TMCC1: variants seen among roughly 807,000 people sequenced by gnomAD.
TMCC1 encodes the protein transmembrane and coiled-coil domains protein 1.
Under a neutral mutation model 52.4 loss-of-function variants are expected in TMCC1, and 15 were observed. The ratio of observed to expected loss-of-function variants is 0.29; its 90% CI spans 0.19 to 0.44. The LOEUF is 0.44. Ranked by LOEUF, TMCC1 falls within the 20% of genes least tolerant of loss-of-function variation. The pLI is 1.00. For synonymous variants in TMCC1, 279 were observed against 301.9 expected (o/e 0.92, Z 0.79); for missense variants, 503 against 806.0 (o/e 0.62, Z 4.55).
chr3:129,789,944 A>G (rs1194461171), intron 4 of TMCC1, among the ~76,000 whole-genome samples: 1 of 152,010 alleles, frequency 6.6e-6, no homozygotes, highest in Non-Finnish European at 1.5e-5. Flanking sequence ...CTAGGAAAAG[A>G]TGCCACAAAC....
intron 4 of TMCC1, among the ~76,000 whole-genome samples, chr3:129,771,774 C>CAAAAAA (rs755523077): frequency 5.6e-4 from 42 of 75,644 alleles, no homozygotes; most frequent in African/African-American, 1.5e-3. Context: ...GACACTGTCT[C>CAAAAAA]AAAAAAAAAA....
Position 129,650,477 on chromosome 3 carries a change from C to A in TMCC1, c.*1004G>T, listed in dbSNP as rs1279317627. The A allele has an allele frequency of 1.3e-5, 2 of 152,518 alleles. No homozygotes were observed. Among genetic ancestry groups the A allele is most frequent in the East Asian group, 3.9e-4 (2 of 5,186 alleles). 9.4% of individuals were successfully genotyped at this position (152,518 alleles called of 1,614,324 possible). On this transcript the variant is annotated 3_prime_UTR_variant, in exon 7 of 7. Coordinates refer to ENST00000393238, the MANE Select transcript of TMCC1 (RefSeq NM_001017395.5). ...TCAAAACAAAGGCGGCAGAGGGCAG[C>A]ATTTACAGCAAGACTTTCTTACTCA...
At chr3:129,737,673 T>G (rs945804188) in intron 4 of TMCC1, among the ~76,000 whole-genome samples, 1 of 152,150 alleles carries the variant, frequency 6.6e-6, no homozygotes, top group Non-Finnish European at 1.5e-5. Context: ...CTACCCAGTC[T>G]AGCGCATTTT....
At chr3:129,843,043 A>G (rs571733533) in intron 2 of TMCC1, among the ~76,000 whole-genome samples, 152 of 152,270 alleles carry the variant, frequency 1.0e-3, no homozygotes, top group African/African-American at 3.4e-3. Flanking sequence ...AAAAAGAACA[A>G]ATTATAACTA....
At chr3:129,772,532 G>A (rs987248968) in intron 4 of TMCC1, among the ~76,000 whole-genome samples, 14 of 151,472 alleles carry the variant, frequency 9.2e-5, no homozygotes, top group South Asian at 4.2e-4. Context: ...TGGCTAACAC[G>A]GTGAAACCCC....
At position 129,651,373 on chromosome 3, in the gene TMCC1, C is replaced by T; in HGVS notation, c.*108G>A. The T allele has an allele frequency of 8.4e-7, 1 of 1,187,762 alleles. No individual in the cohort carries two copies. Among genetic ancestry groups the T allele is most frequent in the Non-Finnish European group, 1.2e-6 (1 of 842,784 alleles). 73.6% of individuals were successfully genotyped at this position (1,187,762 alleles called of 1,614,324 possible). A position where few individuals can be genotyped will look rare whatever the true frequency, so the allele number is the denominator to read the frequency against. ...ATTATTCTAAATGTAAACAGATTCA[C>T]TCAACTCTTTTTTTGTTGTAGAAAA... On this transcript the variant is annotated 3_prime_UTR_variant, in exon 7 of 7. Coordinates refer to ENST00000393238, the MANE Select transcript of TMCC1 (RefSeq NM_001017395.5). This position sits in a 1 kb window ranked among gnomAD's most constrained non-coding sequence, Gnocchi z 5.1.
intron 4 of TMCC1, among the ~76,000 whole-genome samples, chr3:129,739,732 T>C (rs2051292722): frequency 6.6e-6 from 1 of 152,200 alleles, no homozygotes; most frequent in Non-Finnish European, 1.5e-5. Flanking sequence ...GCAATTAGCA[T>C]ATAATCTCCA....
chr3:129,830,927 CAATT>C (rs1346676747), intron 3 of TMCC1, among the ~76,000 whole-genome samples: 1 of 152,010 alleles, frequency 6.6e-6, no homozygotes, highest in African/African-American at 2.4e-5. Context: ...ATTTGTAAAA[CAATT>C]TATTTTTGTT....
At chr3:129,844,984 T>A (rs1229290457) in intron 2 of TMCC1, among the ~76,000 whole-genome samples, 2 of 152,078 alleles carry the variant, frequency 1.3e-5, no homozygotes, top group African/African-American at 4.8e-5. Flanking sequence ...CCTAGCCTAT[T>A]AAGAATGTTC....
intron 4 of TMCC1, among the ~76,000 whole-genome samples, chr3:129,825,774 G>A (rs978481176): frequency 2.0e-5 from 3 of 152,162 alleles, no homozygotes; most frequent in East Asian, 3.8e-4. Context: ...AGAGGCCACC[G>A]GTTGGGTAAG....
intron 4 of TMCC1, among the ~76,000 whole-genome samples, chr3:129,754,776 C>A (rs147208357): frequency 5.0e-4 from 76 of 152,166 alleles, no homozygotes; most frequent in African/African-American, 1.6e-3. Context: ...TATAAAAAAT[C>A]TTTTAAAAAA....
rs1444634290 is a variant in TMCC1, at chr3:129,880,429, GAA to G, written c.-306_-305del. ...AGACATAGAAACAGAAGATCCATAT[GAA>G]AAAGAGATCCAATCTGGGAGGATGG... On this transcript the variant is annotated 5_prime_UTR_variant, in exon 2 of 7. The change creates a premature stop within an existing upstream ORF in the 5' untranslated region. Transcript: ENST00000393238. 1 of 152,152 alleles carries G rather than the reference GAA, an allele frequency of 6.6e-6. No homozygotes were observed. The highest frequency in any genetic ancestry group is 2.4e-5 in the African/African-American group (1 of 41,432). 9.4% of individuals were successfully genotyped at this position (152,152 alleles called of 1,614,324 possible).
At chr3:129,851,280 TC>T (rs1577086124) in intron 2 of TMCC1, among the ~76,000 whole-genome samples, 1 of 152,166 alleles carries the variant, frequency 6.6e-6, no homozygotes, top group Admixed American at 6.5e-5. Flanking sequence ...AGCCTTTGGC[TC>T]CAGTGTATAC....
chr3:129,722,954 G>A (rs1455838213), intron 4 of TMCC1, among the ~76,000 whole-genome samples: 1 of 152,134 alleles, frequency 6.6e-6, no homozygotes, highest in African/African-American at 2.4e-5. Context: ...AATCTGTTTG[G>A]ATCTTAAATC....
At chr3:129,755,845 G>A (rs971893141) in intron 4 of TMCC1, among the ~76,000 whole-genome samples, 1 of 152,182 alleles carries the variant, frequency 6.6e-6, no homozygotes, top group African/African-American at 2.4e-5. Flanking sequence ...GCTCACGCCC[G>A]TAATCTCAAC....
intron 2 of TMCC1, among the ~76,000 whole-genome samples, chr3:129,853,363 AC>A (rs2060000792): frequency 6.6e-6 from 1 of 152,182 alleles, no homozygotes; most frequent in Non-Finnish European, 1.5e-5. Flanking sequence ...GATGGCTCAT[AC>A]CTGTAATTCC....
At chr3:129,807,062 A>T (rs926003693) in intron 4 of TMCC1, among the ~76,000 whole-genome samples, 3 of 152,200 alleles carry the variant, frequency 2.0e-5, no homozygotes, top group African/African-American at 7.2e-5. Flanking sequence ...TTGCCTAAAA[A>T]GCAAGCCCTA....
rs540048305 is a variant in TMCC1 at position 129,771,568 on chromosome 3, A to G, written c.576+56235T>C. The stretch of plus-strand genomic sequence containing the variant: ...GGTAGGTGGATTGCTTGAGTCCAGG[A>G]GTTTGAGACCAGCCTGGACAACATG... On this transcript the variant is annotated intron_variant, in intron 4 of 6. Transcript: ENST00000393238. Among the ~76,000 whole-genome samples the G allele has an allele frequency of 4.6e-5, 7 of 151,996 alleles. No homozygotes were observed. The East Asian group carries it at 7.7e-4, about 17-fold the overall frequency.
intron 5 of TMCC1, among the ~76,000 whole-genome samples, chr3:129,664,583 CA>C (rs2087302136): frequency 6.6e-6 from 1 of 152,156 alleles, no homozygotes. Flanking sequence ...TACAAGCTTT[CA>C]AAATGGCATT....
Sources: gnomAD v4.1 joint callset for allele counts (sites outside exome capture counted in the v4.1 genomes callset) on GRCh38, gnomAD v4.1.1 for gene constraint, Gnocchi (gnomAD v3.1) non-coding constraint, MANE v1.5 for transcripts, NCBI Gene and HGNC (gene_info 2026-07-23, HGNC 2026-07-21) for gene names.